The following ARID1B variants were observed in gnomAD, a reference collection of about 807,000 sequenced individuals.
The protein encoded by ARID1B is AT-rich interaction domain 1B.
Under a neutral mutation model 212.3 loss-of-function variants are expected in ARID1B, and 30 were observed. The observed-to-expected ratio is 0.14, with a 90% CI of 0.11 to 0.19. ARID1B has a LOEUF of 0.19. Among genes scored for constraint, ARID1B ranks in the 10% least tolerant of loss-of-function variants. ARID1B has a pLI of 1.00. For synonymous variants in ARID1B, 1,402 were observed against 1,301.7 expected (o/e 1.08, Z -1.66); for missense variants, 2,891 against 3,204.0 (o/e 0.90, Z 2.36).
At chr6:156,983,495 C>T (rs2128384210) in intron 4 of ARID1B, among the ~76,000 whole-genome samples, 1 of 152,278 alleles carries the variant, frequency 6.6e-6, no homozygotes, top group East Asian at 1.9e-4. Context: ...ATGTGATCAG[C>T]CAGCTTTTTC....
chr6:157,037,066 C>T (rs1222717182), intron 4 of ARID1B, among the ~76,000 whole-genome samples: 3 of 152,124 alleles, frequency 2.0e-5, no homozygotes, highest in East Asian at 1.9e-4. Context: ...TCATTACCTT[C>T]TTTGTTGTGT....
chr6:157,044,588 C>T (rs1782102979), intron 4 of ARID1B, among the ~76,000 whole-genome samples: 1 of 152,270 alleles, frequency 6.6e-6, no homozygotes, highest in Non-Finnish European at 1.5e-5. Flanking sequence ...ATCCATCTAA[C>T]TTAGAGGGCT....
chr6:156,918,026 G>A (rs1790496257), intron 3 of ARID1B, among the ~76,000 whole-genome samples: 1 of 152,088 alleles, frequency 6.6e-6, no homozygotes, highest in South Asian at 2.1e-4. Flanking sequence ...GGTAAAATAG[G>A]TTTCAATTTT....
At chr6:157,062,626 A>G (rs954698937) in intron 4 of ARID1B, among the ~76,000 whole-genome samples, 1 of 151,798 alleles carries the variant, frequency 6.6e-6, no homozygotes, top group African/African-American at 2.4e-5. Context: ...AGCACTCGCT[A>G]CTTGCCTTCC....
In ARID1B at chr6:157,190,980, G is replaced by A. The variant is rs368884801; in HGVS notation, c.4231+770G>A. On this transcript the variant is annotated intron_variant, in intron 15 of 19. Transcript: ENST00000636930. This position sits in a 1 kb window ranked among gnomAD's most constrained non-coding sequence, Gnocchi z 4.6. ...TCCAGAGCACAGTGAGCATGGGCCCGGGGACAGGCTGAGGTCGTTGAGGCC... is the reference window on the plus strand; with the variant it reads ...TCCAGAGCACAGTGAGCATGGGCCCAGGGACAGGCTGAGGTCGTTGAGGCC... Among the ~76,000 whole-genome samples, 14 of 152,210 alleles carry A rather than the reference G, an allele frequency of 9.2e-5. 2 individuals are homozygous for A. Among genetic ancestry groups the A allele is most frequent in the African/African-American group, 2.9e-4 (12 of 41,520 alleles).
At chr6:156,953,266 G>A (rs113708698) in intron 4 of ARID1B, among the ~76,000 whole-genome samples, 70 of 152,324 alleles carry the variant, frequency 4.6e-4, no homozygotes, top group African/African-American at 1.6e-3. Flanking sequence ...TCAACACAGG[G>A]ATCCACTCAG....
intron 8 of ARID1B, among the ~76,000 whole-genome samples, chr6:157,161,431 GTA>G (rs199731974): frequency 0.085 from 11,748 of 138,924 alleles, 614 homozygotes; most frequent in East Asian, 0.17. Context: ...TTGTGTGTGT[GTA>G]TATATATATA....
At chr6:157,023,480 T>C (rs1437182376) in intron 4 of ARID1B, 1 of 152,262 alleles carries the variant, frequency 6.6e-6, no homozygotes, top group Non-Finnish European at 1.5e-5. Context: ...CAAATTATTT[T>C]ACATAAACTG....
chr6:156,975,572 C>T (rs1777169351), intron 4 of ARID1B, among the ~76,000 whole-genome samples: 3 of 150,156 alleles, frequency 2.0e-5, no homozygotes, highest in South Asian at 2.1e-4. Flanking sequence ...ACATTTTTTT[C>T]CACCGGATAT....
chr6:156,977,458 T>C (rs1276857420), intron 4 of ARID1B, among the ~76,000 whole-genome samples: 3 of 152,176 alleles, frequency 2.0e-5, no homozygotes, highest in Non-Finnish European at 2.9e-5. Flanking sequence ...AGTGAAAATG[T>C]ATTTTTTACA....
intron 9 of ARID1B, chr6:157,170,232 C>T (rs1043738775): frequency 2.6e-5 from 4 of 152,184 alleles, no homozygotes; most frequent in African/African-American, 9.7e-5. Context: ...GATCTGCTGC[C>T]AGCTTTGTGG....
At chr6:156,871,154 A>G (rs1431313281) in intron 2 of ARID1B, among the ~76,000 whole-genome samples, 5 of 152,330 alleles carry the variant, frequency 3.3e-5, no homozygotes, top group East Asian at 1.9e-4. Context: ...TGTACAGCCT[A>G]TCTTGCTACG....
At position 157,084,769 on chromosome 6, in the gene ARID1B, G is replaced by A. The variant is rs750615874; in HGVS notation, c.2355G>A (p.Pro785=). The change falls in exon 5 of 20, where the codon CCG becomes CCA. Residue 785 remains proline, a synonymous_variant. Coordinates refer to ENST00000636930, the MANE Select transcript of ARID1B (RefSeq NM_001374828.1). ...GCAGCCAAGGGGATCAGAGCAACCC[G>A]GCGCAGTCGCCTTTCTCCCCACATG... The part of the protein sequence containing the change: ...STSSQGDQSN[P]AQSPFSPHAS... The A allele has an allele frequency of 8.4e-5, 135 of 1,613,980 alleles. No individual in the cohort carries two copies. Among genetic ancestry groups the A allele is most frequent in the Non-Finnish European group, 1.1e-4 (125 of 1,179,994 alleles).
chr6:156,897,732 A>T, intron 2 of ARID1B, among the ~76,000 whole-genome samples: 1 of 152,096 alleles, frequency 6.6e-6, no homozygotes, highest in Non-Finnish European at 1.5e-5. Context: ...CAGGACTTCC[A>T]TGGGCCAGCA....
chr6:156,845,845 A>G (rs370725933), intron 2 of ARID1B, among the ~76,000 whole-genome samples: 1 of 152,126 alleles, frequency 6.6e-6, no homozygotes, highest in African/African-American at 2.4e-5. Context: ...GTTGGGTGTT[A>G]TAAGTCCTGG....
intron 4 of ARID1B, among the ~76,000 whole-genome samples, chr6:157,049,533 T>C (rs1425952911): frequency 1.3e-5 from 2 of 152,212 alleles, no homozygotes; most frequent in Non-Finnish European, 2.9e-5. Context: ...ATTGGCTGTT[T>C]CTTAAGAAGC....
chr6:157,110,688 C>G, intron 6 of ARID1B, 127 bp downstream of exon 6: 1 of 917,016 alleles, frequency 1.1e-6, no homozygotes, highest in South Asian at 1.6e-5. Flanking sequence ...TCTTATCAGA[C>G]GGAAGAAATA....
intron 4 of ARID1B, among the ~76,000 whole-genome samples, chr6:157,034,546 A>G (rs1459795979): frequency 6.6e-6 from 1 of 152,200 alleles, no homozygotes; most frequent in Admixed American, 6.5e-5. Context: ...TTGTTGTTCA[A>G]ATTTATGACA....
intron 6 of ARID1B, among the ~76,000 whole-genome samples, chr6:157,128,791 G>A (rs1472934851): frequency 1.3e-5 from 2 of 152,194 alleles, no homozygotes; most frequent in African/African-American, 4.8e-5. Flanking sequence ...TGTTTAACAT[G>A]TTCACATTTA....
Sources: allele counts gnomAD v4.1 joint callset (sites outside exome capture counted in the v4.1 genomes callset), GRCh38; gene constraint gnomAD v4.1.1; non-coding constraint Gnocchi (gnomAD v3.1); transcripts MANE v1.5; gene names NCBI Gene and HGNC (gene_info 2026-07-23, HGNC 2026-07-21).